Variants in CKAP5 observed in about 807,000 individuals in gnomAD.
CKAP5 encodes cytoskeleton-associated protein 5.
In CKAP5, 27 loss-of-function variants were observed where a neutral mutation model predicts 232.8. The ratio of observed to expected loss-of-function variants is 0.12; its 90% CI spans 0.09 to 0.16. CKAP5 has a LOEUF of 0.16. CKAP5 is among the 10% of genes least tolerant of loss of function. The pLI, the probability that CKAP5 is intolerant of heterozygous loss-of-function variation, is 1.00. For synonymous variants in CKAP5, 785 were observed against 841.1 expected, an observed-to-expected ratio of 0.93 and a Z score of 1.16; for missense variants, 1,838 against 2,424.7, an observed-to-expected ratio of 0.76 and a Z score of 5.08.
At chr11:46,791,304 C>T (rs1938715041) in intron 13 of CKAP5, among the ~76,000 whole-genome samples, 1 of 150,232 alleles carries the variant, frequency 6.7e-6, no homozygotes, top group Non-Finnish European at 1.5e-5. Flanking sequence ...GACTGGAGTG[C>T]AGTGGCCTGA....
At chr11:46,755,487 G>A (rs889325495) in intron 35 of CKAP5, among the ~76,000 whole-genome samples, 4 of 151,884 alleles carry the variant, frequency 2.6e-5, no homozygotes, top group Admixed American at 6.6e-5. Context: ...GATTACAGGC[G>A]TGAGCCACCG....
chr11:46,752,618 A>G lies in CKAP5; in HGVS notation c.5133+17T>C. 1 of 1,593,936 alleles carries G rather than the reference A, an allele frequency of 6.3e-7. No homozygotes were observed. The highest frequency in any genetic ancestry group is 8.6e-7 in the Non-Finnish European group (1 of 1,163,262). On this transcript the variant is annotated intron_variant, in intron 38 of 43. Transcript: ENST00000529230. ...TGCATCTTTGAAAGAAAAGAGATCAAATCATTTCAACTTCACCTTCATAAC... is the reference window on the plus strand; with the variant it reads ...TGCATCTTTGAAAGAAAAGAGATCAGATCATTTCAACTTCACCTTCATAAC...
chr11:46,795,762 T>A lies in CKAP5; in HGVS notation c.1482A>T (p.Ser494=), dbSNP rs947262441. Residue 494 remains serine (S), a synonymous_variant, in exon 13 of 44, where the codon TCA becomes TCT. Coordinates refer to ENST00000529230, the MANE Select transcript of CKAP5 (RefSeq NM_001008938.4). ...KLKLDKIKEC[S]EKVELIHGKK... is the part of the protein sequence containing the mutation. ...TACCATGTATCAGTTCTACCTTTTCTGAACATTCTTTGATCTGGAGAATGA... is the reference window on the plus strand; with the variant it reads ...TACCATGTATCAGTTCTACCTTTTCAGAACATTCTTTGATCTGGAGAATGA... 3.1e-6 allele frequency: 5 copies of A among 1,613,192 alleles called. No homozygotes were observed. Among genetic ancestry groups the A allele is most frequent in the Non-Finnish European group, 4.2e-6 (5 of 1,179,676 alleles).
At chr11:46,809,975 C>CA in intron 5 of CKAP5, 101 bp from the exon 6 acceptor site, 1 of 1,013,440 alleles carries the variant, frequency 9.9e-7, no homozygotes, top group Non-Finnish European at 1.4e-6. Context: ...CAATTTCTTT[C>CA]TTTTTTTTTT....
At chr11:46,753,605 G>T in intron 36 of CKAP5, 108 bp from the exon 37 acceptor site, 2 of 833,006 alleles carry the variant, frequency 2.4e-6, no homozygotes, top group East Asian at 2.9e-5. Flanking sequence ...TTTTTTTTTT[G>T]AGACGGAGTC....
At chr11:46,767,473 G>A in intron 27 of CKAP5, 102 bp downstream of exon 27, 1 of 656,124 alleles carries the variant, frequency 1.5e-6, no homozygotes, top group Non-Finnish European at 2.5e-6. Context: ...CAACAGCAGT[G>A]ATGTTCTTTT....
intron 13 of CKAP5, among the ~76,000 whole-genome samples, chr11:46,792,123 C>G (rs538472610): frequency 2.0e-5 from 3 of 152,322 alleles, no homozygotes; most frequent in Middle Eastern, 3.4e-3. Flanking sequence ...AAATTCTGTA[C>G]TCTTTGATTA....
At chr11:46,844,350 C>A (rs1307063280) in intron 1 of CKAP5, among the ~76,000 whole-genome samples, 1 of 152,144 alleles carries the variant, frequency 6.6e-6, no homozygotes, top group Non-Finnish European at 1.5e-5. Flanking sequence ...CCCATACCTA[C>A]AAGCCCTACG....
Position 46,778,482 on chromosome 11 carries a change from G to T in CKAP5, c.2551C>A (p.Leu851Ile). The T allele has an allele frequency of 1.9e-6, 3 of 1,614,098 alleles. No individual in the cohort carries two copies. The highest frequency in any genetic ancestry group is 2.5e-6 in the Non-Finnish European group (3 of 1,180,020). Reference protein sequence around the residue: ...PDDGSNDVVDLLPRTEISDKI... With the variant: ...PDDGSNDVVDILPRTEISDKI... ...TACCTGATCTCCGTCCTCGGCAAAA[G>T]ATCAACGACATCATTGCTCCCGTCA... The change falls in exon 21 of 44, where the codon CTT becomes ATT. Residue 851 changes from leucine to isoleucine, a missense_variant. Leu to Ile is a conservative substitution (Grantham distance 5, BLOSUM62 2). Around this residue, in one of 6 missense-constraint regions of CKAP5, gnomAD observed 767 missense variants for 954.6 expected, o/e 0.80. Coordinates refer to ENST00000529230, the MANE Select transcript of CKAP5 (RefSeq NM_001008938.4).
chr11:46,776,121 A>G, intron 24 of CKAP5, 134 bp downstream of exon 24: 1 of 682,344 alleles, frequency 1.5e-6, no homozygotes. Flanking sequence ...AGGCCCCAGG[A>G]ATGTGATTTC....
At chr11:46,826,552 C>T (rs1178021984) in intron 1 of CKAP5, among the ~76,000 whole-genome samples, 1 of 152,210 alleles carries the variant, frequency 6.6e-6, no homozygotes, top group African/African-American at 2.4e-5. Context: ...GCACTGCTCA[C>T]CCACTGCATG....
intron 20 of CKAP5, among the ~76,000 whole-genome samples, chr11:46,779,243 T>G (rs1474799744): frequency 6.6e-6 from 1 of 151,350 alleles, no homozygotes; most frequent in Non-Finnish European, 1.5e-5. Context: ...AAGTGATTCT[T>G]ATGCCTCAGC....
At chr11:46,798,394 G>A (rs960679181) in intron 9 of CKAP5, among the ~76,000 whole-genome samples, 2 of 151,942 alleles carry the variant, frequency 1.3e-5, no homozygotes, top group Non-Finnish European at 2.9e-5. Context: ...GGGCAACAGA[G>A]TGAGATCTTG....
intron 1 of CKAP5, among the ~76,000 whole-genome samples, chr11:46,841,937 G>C (rs1207140698): frequency 6.9e-6 from 1 of 145,156 alleles, no homozygotes; most frequent in African/African-American, 2.5e-5. Context: ...GGCAGAGGTT[G>C]CAGTGAGCCG....
intron 42 of CKAP5, among the ~76,000 whole-genome samples, chr11:46,745,974 A>G (rs2065019140): frequency 6.6e-6 from 1 of 152,086 alleles, no homozygotes; most frequent in African/African-American, 2.4e-5. Flanking sequence ...AAAAATAAAA[A>G]CACTTGTAAA....
In CKAP5 at chr11:46,759,342, G is replaced by C; in HGVS notation, c.4495C>G (p.Arg1499Gly). Reference sequence around the variant, plus strand: ...TGAACAAGTTCTGGCATTTCACATCGGACTGTACCATTGTCATTCTCAATC... The same window carrying C: ...TGAACAAGTTCTGGCATTTCACATCCGACTGTACCATTGTCATTCTCAATC... The part of the protein sequence containing the change: ...DEIENDNGTV[R>G]CEMPELVQHK... Residue 1499 changes from arginine to glycine, a missense_variant, in exon 34 of 44, where the codon CGA (arginine) becomes GGA (glycine). Transcript: ENST00000529230. The C allele has an allele frequency of 2.5e-6, 4 of 1,613,954 alleles. No individual in the cohort carries two copies. Among genetic ancestry groups the C allele is most frequent in the Non-Finnish European group, 3.4e-6 (4 of 1,179,992 alleles).
intron 1 of CKAP5, among the ~76,000 whole-genome samples, chr11:46,822,761 A>AG (rs1294501779): frequency 2.7e-4 from 32 of 118,542 alleles, no homozygotes; most frequent in Admixed American, 4.9e-4. Flanking sequence ...AAAAAAAAAA[A>AG]AAAGAAAGAA....
chr11:46,813,847 A>C (rs1292278213), intron 4 of CKAP5, among the ~76,000 whole-genome samples: 1 of 152,124 alleles, frequency 6.6e-6, no homozygotes, highest in East Asian at 1.9e-4. Flanking sequence ...AAGGTAGAAG[A>C]TTATAGGCCA....
chr11:46,800,509 G>A (rs965243941), intron 9 of CKAP5, among the ~76,000 whole-genome samples: 13 of 152,168 alleles, frequency 8.5e-5, no homozygotes, highest in Admixed American at 3.3e-4. Flanking sequence ...TTTTTAGGAT[G>A]CTGAGCCATT....
Sources: allele counts gnomAD v4.1 joint callset (sites outside exome capture counted in the v4.1 genomes callset), GRCh38; gene constraint gnomAD v4.1.1; regional missense constraint gnomAD v4.1.1; transcripts MANE v1.5; gene names NCBI Gene and HGNC (gene_info 2026-07-23, HGNC 2026-07-21).